Variants in PTPRA observed in about 807,000 individuals in gnomAD.
PTPRA encodes protein tyrosine phosphatase receptor type A.
In PTPRA, 25 loss-of-function variants were observed where a neutral mutation model predicts 104.8. The ratio of observed to expected loss-of-function variants is 0.24; its 90% CI spans 0.17 to 0.33. The LOEUF is 0.33. Ranked by LOEUF, PTPRA falls within the 10% of genes least tolerant of loss-of-function variation. The pLI, the probability that PTPRA is intolerant of heterozygous loss-of-function variation, is 1.00. For synonymous variants in PTPRA, 323 were observed against 368.9 expected, an observed-to-expected ratio of 0.88 and a Z score of 1.43; for missense variants, 765 against 1,015.3, an observed-to-expected ratio of 0.75 and a Z score of 3.35.
At chr20:2,866,662 C>G in the PTPRA span, 1 of 1,567,432 alleles carries the variant, frequency 6.4e-7, no homozygotes, top group Non-Finnish European at 8.7e-7. Context: ...AGCTCCTCCC[C>G]TAGAGCAATG....
At chr20:3,007,274 T>C in intron 10 of PTPRA, 70 bp from the exon 11 acceptor site, 1 of 1,450,318 alleles carries the variant, frequency 6.9e-7, no homozygotes. Context: ...GTCTCAACTG[T>C]CCTGGTTGCG....
intron 1 of PTPRA, among the ~76,000 whole-genome samples, chr20:2,884,875 T>C (rs1278205061): frequency 2.6e-5 from 4 of 151,606 alleles, no homozygotes; most frequent in Non-Finnish European, 5.9e-5. Flanking sequence ...AGTGACACGA[T>C]TTTGGCTCAC....
Position 3,035,813 on chromosome 20 carries a change from G to C in PTPRA, c.2070G>C (p.Arg690=), listed in dbSNP as rs1431847856. Residue 690 remains arginine, a synonymous_variant, in exon 22 of 24, where the codon CGG becomes CGC. Coordinates refer to ENST00000399903, the MANE Select transcript of PTPRA (RefSeq NM_001385305.1). The surrounding 1 kb of genome is among the most constrained non-coding windows in gnomAD (Gnocchi z 5.8). ...AGGAGAATAAGAGCCGGCAGATCCG[G>C]CAGTTCCACTTCCATGGCTGGCCTG... is the stretch of plus-strand genomic sequence containing the variant. ...NTRENKSRQI[R]QFHFHGWPEV... The C allele has an allele frequency of 6.2e-7, 1 of 1,614,216 alleles. No individual in the cohort carries two copies. The highest frequency in any genetic ancestry group is 1.7e-5 in the Admixed American group (1 of 60,030).
At chr20:2,994,375 C>T (rs1427500208) in intron 9 of PTPRA, among the ~76,000 whole-genome samples, 3 of 152,228 alleles carry the variant, frequency 2.0e-5, no homozygotes, top group South Asian at 4.1e-4. Context: ...AGCTACTTTC[C>T]GTTTCCATTA....
intron 2 of PTPRA, among the ~76,000 whole-genome samples, chr20:2,936,263 C>A (rs2060697370): frequency 6.6e-6 from 1 of 152,118 alleles, no homozygotes; most frequent in Admixed American, 6.5e-5. Flanking sequence ...AGAATGTGTC[C>A]TTACTGAGTG....
intron 1 of PTPRA, among the ~76,000 whole-genome samples, chr20:2,902,634 TTAAG>T (rs1390742978): frequency 6.6e-6 from 1 of 152,214 alleles, no homozygotes; most frequent in Non-Finnish European, 1.5e-5. Flanking sequence ...AATGATTCAG[TTAAG>T]TGAGTGATTT....
intron 11 of PTPRA, among the ~76,000 whole-genome samples, chr20:3,013,623 C>T (rs540640913): frequency 1.3e-5 from 2 of 152,214 alleles, no homozygotes; most frequent in South Asian, 4.1e-4. Flanking sequence ...GTTGGTCATG[C>T]TGGCCTCAAA....
intron 1 of PTPRA, among the ~76,000 whole-genome samples, chr20:2,879,066 C>T (rs1249563328): frequency 6.6e-6 from 1 of 152,200 alleles, no homozygotes; most frequent in African/African-American, 2.4e-5. Flanking sequence ...GATGTGATGT[C>T]TGTCCTCATG....
chr20:2,904,519 A>T (rs1223177317), intron 1 of PTPRA, among the ~76,000 whole-genome samples: 2 of 152,012 alleles, frequency 1.3e-5, no homozygotes, highest in Non-Finnish European at 2.9e-5. Context: ...AATACAAAAA[A>T]TTAGCCGGGC....
At chr20:3,032,448 C>T (rs1483382793) in intron 20 of PTPRA, among the ~76,000 whole-genome samples, 3 of 152,226 alleles carry the variant, frequency 2.0e-5, no homozygotes, top group African/African-American at 7.2e-5. Flanking sequence ...TTTCTCTGCA[C>T]CCCTTCCCAG....
Position 2,947,984 on chromosome 20 carries a change from C to T in PTPRA, c.-47C>T. On this transcript the variant is annotated splice_region_variant and 5_prime_UTR_variant, in exon 3 of 24. Coordinates refer to ENST00000399903, the MANE Select transcript of PTPRA (RefSeq NM_001385305.1). ...GTTTTTTATTTCTTTTTTTCTAGGA[C>T]ACATGTTCAAAGAGCATAATTAACT... 2.8e-6 allele frequency: 3 copies of T among 1,087,194 alleles called. No individual in the cohort carries two copies. Among genetic ancestry groups the T allele is most frequent in the Non-Finnish European group, 3.7e-6 (3 of 809,426 alleles). 67.3% of individuals were successfully genotyped at this position (1,087,194 alleles called of 1,614,324 possible).
intron 9 of PTPRA, among the ~76,000 whole-genome samples, chr20:2,993,668 T>G (rs2063281583): frequency 6.6e-6 from 1 of 152,246 alleles, no homozygotes; most frequent in African/African-American, 2.4e-5. Flanking sequence ...CAAAGTCTTC[T>G]GTAGCACTTA....
Position 3,035,488 on chromosome 20 carries a change from G to C in PTPRA, c.1921-97G>C. The C allele has an allele frequency of 1.4e-6, 2 of 1,385,144 alleles. No individual in the cohort carries two copies. The highest frequency in any genetic ancestry group is 2.0e-6 in the Non-Finnish European group (2 of 1,001,274). The allele number at this position is 1,385,144 out of a possible 1,614,324, so 85.8% of individuals were successfully genotyped here. A position where few individuals can be genotyped will look rare whatever the true frequency, so the allele number is the denominator to read the frequency against. ...GGGGACGAAGCGTATCAGCGTAAGA[G>C]GTGGCTGTACTGAGAGGGGTCAGGC... On this transcript the variant is annotated intron_variant, in intron 20 of 23. Coordinates refer to ENST00000399903, the MANE Select transcript of PTPRA (RefSeq NM_001385305.1). This position sits in a 1 kb window ranked among gnomAD's most constrained non-coding sequence, Gnocchi z 5.8.
At chr20:2,891,494 C>G (rs2058788400) in intron 1 of PTPRA, among the ~76,000 whole-genome samples, 1 of 152,142 alleles carries the variant, frequency 6.6e-6, no homozygotes, top group Admixed American at 6.6e-5. Flanking sequence ...TCTTACTTGA[C>G]ATTATAATTT....
At chr20:2,916,840 A>G (rs972286854) in intron 1 of PTPRA, among the ~76,000 whole-genome samples, 2 of 152,208 alleles carry the variant, frequency 1.3e-5, no homozygotes, top group African/African-American at 2.4e-5. Context: ...GTGCTTTGCA[A>G]TAAGTTTTGA....
chr20:2,980,182 G>T (rs1331340700), intron 6 of PTPRA, among the ~76,000 whole-genome samples: 1 of 151,828 alleles, frequency 6.6e-6, no homozygotes, highest in African/African-American at 2.4e-5. Flanking sequence ...AAAGTGTTGG[G>T]ATTACAGGCG....
intron 1 of PTPRA, among the ~76,000 whole-genome samples, chr20:2,902,937 C>T (rs2059290750): frequency 6.6e-6 from 1 of 152,084 alleles, no homozygotes; most frequent in South Asian, 2.1e-4. Flanking sequence ...GCTGGGCTGC[C>T]TGGGTTCAAA....
intron 9 of PTPRA, among the ~76,000 whole-genome samples, chr20:3,002,027 T>A (rs2063650615): frequency 2.0e-5 from 3 of 152,028 alleles, no homozygotes; most frequent in Non-Finnish European, 4.4e-5. Context: ...GTAGTCCCAG[T>A]TACTCAGGAG....
At chr20:2,967,627 A>C (rs530075721) in intron 5 of PTPRA, among the ~76,000 whole-genome samples, 45 of 152,244 alleles carry the variant, frequency 3.0e-4, no homozygotes, top group African/African-American at 1.0e-3. Context: ...TTGGGAGGCC[A>C]AGGTGGACAG....
Sources: gnomAD v4.1 joint callset for allele counts (sites outside exome capture counted in the v4.1 genomes callset) on GRCh38, gnomAD v4.1.1 for gene constraint, Gnocchi (gnomAD v3.1) non-coding constraint, MANE v1.5 for transcripts, NCBI Gene and HGNC (gene_info 2026-07-23, HGNC 2026-07-21) for gene names.